LARP1: variants seen among roughly 807,000 people sequenced by gnomAD.
LARP1 encodes the protein la-related protein 1.
Under a neutral mutation model 122.7 loss-of-function variants are expected in LARP1, and 36 were observed. The ratio of observed to expected loss-of-function variants is 0.29; its 90% CI spans 0.22 to 0.39. The LOEUF (loss-of-function observed/expected upper bound fraction) is 0.39, where lower values mean the gene tolerates loss of function less well. LARP1 is among the 10% of genes least tolerant of loss of function. LARP1 has a pLI of 1.00. For missense variants in LARP1, 1,040 were observed against 1,403.6 expected, an observed-to-expected ratio of 0.74 and a Z score of 4.14; for synonymous variants, 539 against 528.7, an observed-to-expected ratio of 1.02 and a Z score of -0.27.
At chr5:154,798,866 T>TGTTC in intron 8 of LARP1, among the ~76,000 whole-genome samples, 1 of 152,188 alleles carries the variant, frequency 6.6e-6, no homozygotes, top group African/African-American at 2.4e-5. Flanking sequence ...TTTGTTTGTT[T>TGTTC]GTTTGTTTGT....
At position 154,793,908 on chromosome 5, in the gene LARP1, A is replaced by G; in HGVS notation, c.977A>G (p.Lys326Arg). The G allele has an allele frequency of 6.2e-7, 1 of 1,614,124 alleles. No individual in the cohort carries two copies. Among genetic ancestry groups the G allele is most frequent in the Non-Finnish European group, 8.5e-7 (1 of 1,180,002 alleles). ...WHDQDETSSVKSDGAGGARAS... is the reference protein window; with the variant it reads ...WHDQDETSSVRSDGAGGARAS... ...GACCAGGATGAGACATCGAGTGTGA[A>G]GAGTGATGGGGCTGGTGGGGCGCGG... is the stretch of plus-strand genomic sequence containing the variant. The change falls in exon 6 of 19, where the codon AAG (lysine) becomes AGG (arginine). Residue 326 changes from lysine (K) to arginine (R), a missense_variant. This residue lies in a region of LARP1 where 178 missense variants were observed against 178.3 expected (regional missense o/e 1.00). Transcript: ENST00000518297.
intron 8 of LARP1, among the ~76,000 whole-genome samples, chr5:154,795,930 A>T (rs1276742968): frequency 2.5e-5 from 3 of 119,070 alleles, no homozygotes; most frequent in Admixed American, 1.1e-4. Flanking sequence ...ATTTATATTT[A>T]TATATTATAT....
intron 5 of LARP1, 25 bp downstream of exon 5, chr5:154,793,748 C>T (rs1444949891): frequency 6.8e-6 from 11 of 1,614,058 alleles, no homozygotes; most frequent in Non-Finnish European, 9.3e-6. Flanking sequence ...CTATGGAGGG[C>T]CTGGACTTGG....
Position 154,790,708 on chromosome 5 carries a change from C to G in LARP1, c.562C>G (p.Gln188Glu). The G allele has an allele frequency of 6.2e-7, 1 of 1,614,128 alleles. No individual in the cohort carries two copies. The highest frequency in any genetic ancestry group is 8.5e-7 in the Non-Finnish European group (1 of 1,179,954). ...TGGAGAGATAGCCCACAAGAGTGTT[C>G]AGGTGAGTCTGTGTGGAAGAATAGG... ...TPGEIAHKSV[Q>E]PQSHKPQPTR... Residue 188 changes from glutamine (Q) to glutamate (E), a missense_variant and splice_region_variant, in exon 3 of 19, where the codon CAG (glutamine) becomes GAG (glutamate). Transcript: ENST00000518297.
chr5:154,800,166 T>C, intron 10 of LARP1, 124 bp downstream of exon 10: 2 of 869,894 alleles, frequency 2.3e-6, no homozygotes, highest in Non-Finnish European at 3.5e-6. Flanking sequence ...TAGTTCAGGA[T>C]CATAGTGTGA....
Position 154,779,499 on chromosome 5 carries a change from T to G in LARP1, c.437-10826T>G, listed in dbSNP as rs990177314. Reference sequence around the variant, plus strand: ...GGGTAGGGGTCGGACCCCCTCTACATTCTCTCTTTTTTTTTTTTTTTTTTT... The same window carrying G: ...GGGTAGGGGTCGGACCCCCTCTACAGTCTCTCTTTTTTTTTTTTTTTTTTT... On this transcript the variant is annotated intron_variant, in intron 1 of 18. Transcript: ENST00000518297. 2.0e-5 allele frequency among the ~76,000 whole-genome samples: 3 copies of G among 149,116 alleles called. No homozygotes were observed. In the Admixed American group the frequency reaches 2.0e-4, roughly 10 times the overall value.
At chr5:154,703,470 A>T (rs1754815673) in intron 1 of LARP1, among the ~76,000 whole-genome samples, 1 of 151,880 alleles carries the variant, frequency 6.6e-6, no homozygotes, top group African/African-American at 2.4e-5. Context: ...TTCATTCAAC[A>T]GGCTGGGCAT....
At chr5:154,746,462 T>G (rs1366535378) in intron 1 of LARP1, among the ~76,000 whole-genome samples, 1 of 152,242 alleles carries the variant, frequency 6.6e-6, no homozygotes, top group Admixed American at 6.5e-5. Flanking sequence ...TTACCTGAGT[T>G]TGTCCAACTG....
At chr5:154,760,590 C>G (rs1185188448) in intron 1 of LARP1, among the ~76,000 whole-genome samples, 1 of 152,154 alleles carries the variant, frequency 6.6e-6, no homozygotes, top group African/African-American at 2.4e-5. Context: ...TCTGAAAGCA[C>G]ACAGCACTGC....
At chr5:154,707,917 T>G (rs1162204581), upstream of LARP1, among the ~76,000 whole-genome samples, 3 of 152,202 alleles carry the variant, frequency 2.0e-5, no homozygotes, top group African/African-American at 7.2e-5. Context: ...CTCAGGATAT[T>G]CTGCCTTGAC....
At chr5:154,783,739 A>G (rs1756647114) in intron 1 of LARP1, among the ~76,000 whole-genome samples, 1 of 152,216 alleles carries the variant, frequency 6.6e-6, no homozygotes, top group South Asian at 2.1e-4. Flanking sequence ...AGTTTAGAAC[A>G]GTGTGTGGTA....
intron 1 of LARP1, among the ~76,000 whole-genome samples, chr5:154,726,110 G>T (rs542958160): frequency 6.6e-6 from 1 of 152,264 alleles, no homozygotes; most frequent in East Asian, 1.9e-4. Context: ...ACAGTGCTGG[G>T]ATTACAGGTG....
chr5:154,781,143 T>C (rs1756390543), intron 1 of LARP1, among the ~76,000 whole-genome samples: 1 of 152,150 alleles, frequency 6.6e-6, no homozygotes, highest in Non-Finnish European at 1.5e-5. Flanking sequence ...ACCTCTGAGC[T>C]TGGCAGCCTC....
intron 1 of LARP1, among the ~76,000 whole-genome samples, chr5:154,787,743 A>G (rs1219591482): frequency 6.6e-6 from 1 of 152,158 alleles, no homozygotes; most frequent in East Asian, 1.9e-4. Flanking sequence ...AGGACAGAGG[A>G]ACCTGGGGAT....
At chr5:154,692,229 T>C (rs1234102973) in intron 1 of LARP1, among the ~76,000 whole-genome samples, 1 of 152,186 alleles carries the variant, frequency 6.6e-6, no homozygotes, top group Non-Finnish European at 1.5e-5. Flanking sequence ...TTCCCTCACC[T>C]TAAGGAAGTG....
In LARP1 at chr5:154,793,994, A is replaced by C; in HGVS notation, c.1063A>C (p.Thr355Pro). Residue 355 changes from threonine (T) to proline (P), a missense_variant, in exon 6 of 19, where the codon ACT becomes CCT. Around this residue, in one of 8 missense-constraint regions of LARP1, gnomAD observed 178 missense variants for 178.3 expected, o/e 1.00. Coordinates refer to ENST00000518297, the MANE Select transcript of LARP1 (RefSeq NM_033551.3). ...CGGCCGGGGACGCGGCCGGGGTGGCACTCGAAGTACGTGAGGCCCCTTTGG... is the reference window on the plus strand; with the variant it reads ...CGGCCGGGGACGCGGCCGGGGTGGCCCTCGAAGTACGTGAGGCCCCTTTGG... The part of the protein sequence containing the change: ...GRGRGRGRGG[T>P]RTHFDYQFGY... The C allele has an allele frequency of 6.2e-7, 1 of 1,609,860 alleles. No homozygotes were observed. The highest frequency in any genetic ancestry group is 8.5e-7 in the Non-Finnish European group (1 of 1,177,264).
At chr5:154,794,306 G>T in intron 7 of LARP1, 44 bp downstream of exon 7, 1 of 1,593,406 alleles carries the variant, frequency 6.3e-7, no homozygotes, top group Middle Eastern at 1.7e-4. Context: ...ATGAGTGAGA[G>T]GTTAGGGGTT....
At chr5:154,759,767 C>G (rs1484026209) in intron 1 of LARP1, among the ~76,000 whole-genome samples, 1 of 151,756 alleles carries the variant, frequency 6.6e-6, no homozygotes, top group Non-Finnish European at 1.5e-5. Context: ...CTTCAGGTAC[C>G]CATACAACCA....
intron 7 of LARP1, among the ~76,000 whole-genome samples, chr5:154,794,607 G>T (rs1461044545): frequency 6.6e-6 from 1 of 152,176 alleles, no homozygotes; most frequent in Non-Finnish European, 1.5e-5. Flanking sequence ...AGTGTTTATT[G>T]TTGTAGAGGC....
Sources: gnomAD v4.1 joint callset for allele counts (sites outside exome capture counted in the v4.1 genomes callset) on GRCh38, gnomAD v4.1.1 for gene constraint, gnomAD v4.1.1 regional missense constraint, MANE v1.5 for transcripts, NCBI Gene and HGNC (gene_info 2026-07-23, HGNC 2026-07-21) for gene names.